The following CHAF1A variants were observed in gnomAD, a reference collection of about 807,000 sequenced individuals.
The protein encoded by CHAF1A is CAF-1 subunit A.
A neutral mutation model predicts 93.2 loss-of-function variants in CHAF1A; 5 were observed. The observed-to-expected ratio is 0.05, with a 90% CI of 0.03 to 0.11. The LOEUF (loss-of-function observed/expected upper bound fraction) is 0.11. Among genes scored for constraint, CHAF1A ranks in the 10% least tolerant of loss-of-function variants. CHAF1A has a pLI of 1.00. For missense variants in CHAF1A, 1,102 were observed against 1,259.9 expected (o/e 0.87, Z 1.90); for synonymous variants, 504 against 510.3 (o/e 0.99, Z 0.17).
downstream of CHAF1A, chr19:4,449,851 C>T (rs572651248): frequency 6.6e-6 from 1 of 152,266 alleles, no homozygotes; most frequent in East Asian, 1.9e-4. Flanking sequence ...TCAGCTCCAT[C>T]CCACCATGTT....
At chr19:4,406,357 GATAA>G (rs1297267443) in intron 2 of CHAF1A, among the ~76,000 whole-genome samples, 1 of 152,092 alleles carries the variant, frequency 6.6e-6, no homozygotes, top group Non-Finnish European at 1.5e-5. Flanking sequence ...TGTCCTGGAA[GATAA>G]ATGCTCCCAA....
At position 4,422,163 on chromosome 19, in the gene CHAF1A, T is replaced by G. The variant is rs1398189429; in HGVS notation, c.1018-403T>G. ...TAGCTGGGATTACAGGCGCCCACCA[T>G]GCCTGGCTAGTTTTTTTTAAAAATA... On this transcript the variant is annotated intron_variant, in intron 4 of 14. Coordinates refer to ENST00000301280, the MANE Select transcript of CHAF1A (RefSeq NM_005483.3). This position sits in a 1 kb window ranked among gnomAD's most constrained non-coding sequence, Gnocchi z 4.6. Among the ~76,000 whole-genome samples, 2 of 152,044 alleles carry G rather than the reference T, an allele frequency of 1.3e-5. No homozygotes were observed. Among genetic ancestry groups the G allele is most frequent in the Non-Finnish European group, 2.9e-5 (2 of 68,002 alleles).
rs188543074 is a variant in CHAF1A at position 4,409,634 on chromosome 19, G to A, written c.835G>A (p.Asp279Asn). The change falls in exon 3 of 15, where the codon GAC (aspartate) becomes AAC (asparagine). Residue 279 changes from aspartate (D) to asparagine (N), a missense_variant. By Grantham distance (23) the Asp-to-Asn change is conservative (BLOSUM62 1). Around this residue, in one of 6 missense-constraint regions of CHAF1A, gnomAD observed 379 missense variants for 365.7 expected, o/e 1.04. Transcript: ENST00000301280. The part of the protein sequence containing the change: ...SEVLESFPEE[D>N]SVLSHSSLSS... ...GGTGCTGGAATCTTTCCCCGAAGAAGACTCTGTACTCAGCCATTCGTCCCT... is the reference window on the plus strand; with the variant it reads ...GGTGCTGGAATCTTTCCCCGAAGAAAACTCTGTACTCAGCCATTCGTCCCT... The A allele has an allele frequency of 1.2e-6, 2 of 1,614,030 alleles. No individual in the cohort carries two copies.
chr19:4,418,702 G>A (rs1393330725), intron 4 of CHAF1A, among the ~76,000 whole-genome samples: 4 of 152,080 alleles, frequency 2.6e-5, no homozygotes, highest in African/African-American at 7.2e-5. Flanking sequence ...GGTGTGAGCC[G>A]CCGCGCCTGG....
At chr19:4,421,177 TC>T (rs1200990990) in intron 4 of CHAF1A, among the ~76,000 whole-genome samples, 1 of 152,160 alleles carries the variant, frequency 6.6e-6, no homozygotes, top group African/African-American at 2.4e-5. Flanking sequence ...GTTTAAGCGA[TC>T]CTTGTGCCTC....
At position 4,422,429 on chromosome 19, in the gene CHAF1A, G is replaced by A. The variant is rs572227865; in HGVS notation, c.1018-137G>A. The A allele has an allele frequency of 2.7e-5, 20 of 740,668 alleles. No homozygotes were observed. Among genetic ancestry groups the A allele is most frequent in the African/African-American group, 1.9e-4 (11 of 56,600 alleles). 45.9% of individuals were successfully genotyped at this position (740,668 alleles called of 1,614,324 possible). ...CTCCCAAAGTGCTGGAATTACAGGC[G>A]TGAGCCACCATGCCTAGCCTTGGTC... On this transcript the variant is annotated intron_variant, in intron 4 of 14. Coordinates refer to ENST00000301280, the MANE Select transcript of CHAF1A (RefSeq NM_005483.3). This position sits in a 1 kb window ranked among gnomAD's most constrained non-coding sequence, Gnocchi z 4.6.
At chr19:4,448,670 G>A (rs567266330), downstream of CHAF1A, 359 of 531,624 alleles carry the variant, frequency 6.8e-4, no homozygotes, top group Middle Eastern at 1.6e-3. Context: ...CTAGATCCAT[G>A]GGACTTGGAA....
At chr19:4,428,582 A>G (rs1974125521) in intron 7 of CHAF1A, 82 bp from the exon 8 acceptor site, 1 of 1,246,038 alleles carries the variant, frequency 8.0e-7, no homozygotes, top group Non-Finnish European at 1.2e-6. Context: ...GATGAATCCC[A>G]CCAGCACCCT....
rs1346461168 is a variant in CHAF1A at position 4,416,103 on chromosome 19, G to C, written c.961-1917G>C. 2.6e-5 allele frequency among the ~76,000 whole-genome samples: 4 copies of C among 152,142 alleles called. No homozygotes were observed. The East Asian group carries it at 7.7e-4, about 29-fold the overall frequency. On this transcript the variant is annotated intron_variant, in intron 3 of 14. Coordinates refer to ENST00000301280, the MANE Select transcript of CHAF1A (RefSeq NM_005483.3). The stretch of plus-strand genomic sequence containing the variant: ...GCAGGAGAATCGCTTGAACCCGGGA[G>C]GCGGAGCTTGCAGTGATCCGAGATG...
chr19:4,437,607 C>A (rs928238141), intron 13 of CHAF1A, among the ~76,000 whole-genome samples: 1 of 152,152 alleles, frequency 6.6e-6, no homozygotes, highest in Admixed American at 6.6e-5. Context: ...AGCCTCCTGG[C>A]ATTTAATAAA....
chr19:4,448,199 G>T, downstream of CHAF1A: 1 of 916,084 alleles, frequency 1.1e-6, no homozygotes, highest in Non-Finnish European at 1.7e-6. Context: ...CTCGGCCTAT[G>T]CTCCTTCCCA....
At chr19:4,445,095 A>G (rs1599670521), downstream of CHAF1A, 1 of 191,016 alleles carries the variant, frequency 5.2e-6, no homozygotes, top group East Asian at 1.6e-4. Context: ...TGCCGTTGTC[A>G]CCCACATCCA....
chr19:4,414,926 A>T (rs1441464184), intron 3 of CHAF1A, among the ~76,000 whole-genome samples: 1 of 152,110 alleles, frequency 6.6e-6, no homozygotes, highest in Admixed American at 6.6e-5. Flanking sequence ...TTAGCGGCTT[A>T]TCTGGTCTGG....
chr19:4,438,599 C>T (rs563244975), intron 13 of CHAF1A, among the ~76,000 whole-genome samples: 29 of 152,302 alleles, frequency 1.9e-4, no homozygotes, highest in African/African-American at 7.0e-4. Flanking sequence ...CTCAACTCTT[C>T]GGGCCTCCGT....
At chr19:4,447,180 G>C, downstream of CHAF1A, 1 of 588,976 alleles carries the variant, frequency 1.7e-6, no homozygotes, top group Non-Finnish European at 3.0e-6. Context: ...GACACTGCTG[G>C]GGCCTGATGC....
rs371300311 is a variant in CHAF1A, at chr19:4,432,201, G to C, written c.2197G>C (p.Glu733Gln). 99 of 1,603,072 alleles carry C rather than the reference G, an allele frequency of 6.2e-5. No individual in the cohort carries two copies. The highest frequency in any genetic ancestry group is 2.1e-4 in the Middle Eastern group (1 of 4,752). ...GGCCTCCAAGCGGGAGAGGAGAGAC[G>C]AGCAGAGTGAGTGTGGGCGGGGCCA... ...PKASKRERRD[E>Q]QILAQLLPLL... The change falls in exon 12 of 15, where the codon GAG becomes CAG. Residue 733 changes from glutamate (E) to glutamine (Q), a missense_variant. Physicochemically the swap from Glu to Gln is conservative, Grantham distance 29. Transcript: ENST00000301280.
At chr19:4,446,736 CAT>C, downstream of CHAF1A, 8 of 1,609,000 alleles carry the variant, frequency 5.0e-6, no homozygotes, top group Non-Finnish European at 6.8e-6. Context: ...CGTGGCAGGA[CAT>C]GGGTGTCACT....
chr19:4,440,790 T>G (rs1192666953), intron 13 of CHAF1A, among the ~76,000 whole-genome samples: 1 of 151,736 alleles, frequency 6.6e-6, no homozygotes. Context: ...TGCAGGCACT[T>G]GTAACCCAGT....
At chr19:4,423,210 A>G (rs1974021408) in intron 5 of CHAF1A, 125 bp from the exon 6 acceptor site, 1 of 1,406,532 alleles carries the variant, frequency 7.1e-7, no homozygotes, top group South Asian at 1.5e-5. Flanking sequence ...TATACTAGAC[A>G]TGAAAATAAC....
Sources: allele counts gnomAD v4.1 joint callset (sites outside exome capture counted in the v4.1 genomes callset), GRCh38; gene constraint gnomAD v4.1.1; regional missense constraint gnomAD v4.1.1; non-coding constraint Gnocchi (gnomAD v3.1); transcripts MANE v1.5; gene names NCBI Gene and HGNC (gene_info 2026-07-23, HGNC 2026-07-21).